RUFY1: variants seen among roughly 807,000 people sequenced by gnomAD.
The protein encoded by RUFY1 is RUN and FYVE domain-containing protein 1.
RUFY1 carries 54 observed loss-of-function variants against 94.6 expected under a neutral mutation model. That is an observed-to-expected ratio of 0.57 (90% CI 0.46 to 0.72). RUFY1 has a LOEUF of 0.72. RUFY1 is among the 30% of genes least tolerant of loss of function. The pLI, the probability that RUFY1 is intolerant of heterozygous loss-of-function variation, is 0.00. For synonymous variants in RUFY1, 396 were observed against 347.3 expected, an observed-to-expected ratio of 1.14 and a Z score of -1.56; for missense variants, 883 against 883.9, an observed-to-expected ratio of 1.00 and a Z score of 0.01.
intron 16 of RUFY1, chr5:179,607,315 G>C (rs556056253): frequency 2.0e-6 from 1 of 507,732 alleles, no homozygotes; most frequent in Admixed American, 3.5e-5. Flanking sequence ...GCCTGAGTGA[G>C]CAGATGCTGG....
rs11541392 is a variant in RUFY1, at chr5:179,609,456, G to A, written c.2064G>A (p.Pro688=). The change falls in exon 18 of 18, where the codon CCG becomes CCA. Residue 688 remains proline (P), a synonymous_variant. Coordinates refer to ENST00000319449, the MANE Select transcript of RUFY1 (RefSeq NM_025158.5). ...NELALPSYPK[P]VRVCDSCHTL... Reference sequence around the variant, plus strand: ...TGGCCCTGCCCTCCTACCCCAAGCCGGTGCGAGTGTGCGACAGCTGCCACA... The same window carrying A: ...TGGCCCTGCCCTCCTACCCCAAGCCAGTGCGAGTGTGCGACAGCTGCCACA... 7.0e-4 allele frequency: 1,122 copies of A among 1,612,344 alleles called. 15 individuals are homozygous for A. In the East Asian group the frequency reaches 0.021, roughly 30 times the overall value.
chr5:179,572,189 GC>G, intron 5 of RUFY1: 1 of 306,466 alleles, frequency 3.3e-6, no homozygotes, highest in South Asian at 2.8e-5. Context: ...CGGAAAGCCA[GC>G]CCCTGACTTC....
At chr5:179,606,737 ACT>A (rs1767126770) in intron 16 of RUFY1, among the ~76,000 whole-genome samples, 1 of 151,810 alleles carries the variant, frequency 6.6e-6, no homozygotes, top group South Asian at 2.1e-4. Flanking sequence ...ATAAAACAGG[ACT>A]CTAGAGCCGC....
At chr5:179,589,125 A>G (rs1764840248) in intron 8 of RUFY1, among the ~76,000 whole-genome samples, 1 of 152,112 alleles carries the variant, frequency 6.6e-6, no homozygotes, top group South Asian at 2.1e-4. Context: ...TTAGTATTAT[A>G]TCTTAAGTAT....
intron 14 of RUFY1, among the ~76,000 whole-genome samples, chr5:179,601,003 A>G (rs998997668): frequency 6.6e-6 from 1 of 151,622 alleles, no homozygotes; most frequent in African/African-American, 2.4e-5. Context: ...GCTGAGGGTA[A>G]CTATTTTTAA....
At position 179,577,512 on chromosome 5, in the gene RUFY1, A is replaced by G. The variant is rs537693276; in HGVS notation, c.890+376A>G. The stretch of plus-strand genomic sequence containing the variant: ...CTGGCAAAGGCGGGTCTTTGGGGCT[A>G]GCGGAGGGCCGGGTCTCCGGACGGA... On this transcript the variant is annotated intron_variant, in intron 6 of 17. Transcript: ENST00000319449. Among the ~76,000 whole-genome samples the G allele has an allele frequency of 9.2e-3, 1,358 of 147,400 alleles. 23 individuals are homozygous for G. The highest frequency in any genetic ancestry group is 0.03 in the African/African-American group (1,209 of 40,084).
chr5:179,603,662 A>G (rs971691077), intron 15 of RUFY1: 1 of 152,308 alleles, frequency 6.6e-6, no homozygotes, highest in Non-Finnish European at 1.5e-5. Context: ...GTTTGCAGCC[A>G]GTGTTTTCCT....
At chr5:179,589,144 G>A (rs1179964741) in intron 8 of RUFY1, among the ~76,000 whole-genome samples, 1 of 152,112 alleles carries the variant, frequency 6.6e-6, no homozygotes, top group African/African-American at 2.4e-5. Flanking sequence ...ATGTTCTCAA[G>A]TGATTAAAAG....
At chr5:179,590,475 G>C (rs1764974250) in intron 9 of RUFY1, among the ~76,000 whole-genome samples, 1 of 151,674 alleles carries the variant, frequency 6.6e-6, no homozygotes, top group African/African-American at 2.4e-5. Flanking sequence ...GTCTTGTTCT[G>C]TTTTTGTTGT....
chr5:179,601,151 C>G (rs1766333994), intron 14 of RUFY1, among the ~76,000 whole-genome samples: 1 of 151,740 alleles, frequency 6.6e-6, no homozygotes, highest in South Asian at 2.1e-4. Flanking sequence ...TAATACAGGA[C>G]TGCATTTTGC....
chr5:179,558,694 C>A (rs145286893), intron 1 of RUFY1, among the ~76,000 whole-genome samples: 2 of 152,134 alleles, frequency 1.3e-5, no homozygotes, highest in African/African-American at 2.4e-5. Flanking sequence ...TCTCCCCCTA[C>A]CTTCTTGGGT....
intron 1 of RUFY1, chr5:179,559,757 C>T (rs1317242240): frequency 8.6e-7 from 1 of 1,167,274 alleles, no homozygotes; most frequent in Non-Finnish European, 1.1e-6. Context: ...GTCGCCGTAG[C>T]AACGCGCGGA....
At chr5:179,580,228 T>G (rs1764010982) in intron 6 of RUFY1, among the ~76,000 whole-genome samples, 1 of 61,486 alleles carries the variant, frequency 1.6e-5, no homozygotes, top group Non-Finnish European at 3.6e-5. Flanking sequence ...TGTGTGTGTG[T>G]GTGTGTGTGT....
At chr5:179,607,331 G>A (rs541602816) in intron 16 of RUFY1, 7 of 526,956 alleles carry the variant, frequency 1.3e-5, no homozygotes, top group Middle Eastern at 5.1e-4. Context: ...GCTGGAGACC[G>A]CCTGGAGGCC....
intron 1 of RUFY1, among the ~76,000 whole-genome samples, chr5:179,558,807 T>G (rs1762237911): frequency 6.6e-6 from 1 of 152,180 alleles, no homozygotes; most frequent in Non-Finnish European, 1.5e-5. Context: ...CAGATTTAAC[T>G]GTAATTAACT....
At chr5:179,576,125 T>A (rs1763594142) in intron 5 of RUFY1, among the ~76,000 whole-genome samples, 1 of 152,172 alleles carries the variant, frequency 6.6e-6, no homozygotes, top group Non-Finnish European at 1.5e-5. Flanking sequence ...TTTGTTATAG[T>A]TGCATAGGTT....
At position 179,562,631 on chromosome 5, in the gene RUFY1, T is replaced by C. The variant is rs370342000; in HGVS notation, c.569T>C (p.Ile190Thr). ...AAACTTTGTCCAGAAGCATCAGATA[T>C]AGCGACTAGTGTCAGAAATCTTCCA... is the stretch of plus-strand genomic sequence containing the variant. ...VEKLCPEASDIATSVRNLPEL... is the reference protein window; with the variant it reads ...VEKLCPEASDTATSVRNLPEL... Residue 190 changes from isoleucine to threonine, a missense_variant, in exon 3 of 18, where the codon ATA becomes ACA. By Grantham distance (89) the Ile-to-Thr change is moderately conservative. Transcript: ENST00000319449. The C allele has an allele frequency of 4.4e-6, 7 of 1,596,694 alleles. No homozygotes were observed. The highest frequency in any genetic ancestry group is 1.3e-5 in the African/African-American group (1 of 74,602).
At position 179,562,682 on chromosome 5, in the gene RUFY1, C is replaced by T. The variant is rs763527584; in HGVS notation, c.602+18C>T. The T allele has an allele frequency of 3.2e-6, 4 of 1,268,964 alleles. No homozygotes were observed. Among genetic ancestry groups the T allele is most frequent in the Non-Finnish European group, 4.6e-6 (4 of 872,262 alleles). 78.6% of individuals were successfully genotyped at this position (1,268,964 alleles called of 1,614,324 possible). A position where few individuals can be genotyped will look rare whatever the true frequency, so the allele number is the denominator to read the frequency against. Reference sequence around the variant, plus strand: ...GAATTAAAGTGAGTGAGAAGTAGTTCTGCCAATTTGATGATTTTAAAAACT... The same window carrying T: ...GAATTAAAGTGAGTGAGAAGTAGTTTTGCCAATTTGATGATTTTAAAAACT... On this transcript the variant is annotated intron_variant, in intron 3 of 17. Coordinates refer to ENST00000319449, the MANE Select transcript of RUFY1 (RefSeq NM_025158.5).
chr5:179,573,077 G>A (rs1034521681), intron 5 of RUFY1, among the ~76,000 whole-genome samples: 1 of 152,080 alleles, frequency 6.6e-6, no homozygotes, highest in African/African-American at 2.4e-5. Context: ...AATATGCATT[G>A]GTTTATTTCT....
Sources: gnomAD v4.1 joint callset for allele counts (sites outside exome capture counted in the v4.1 genomes callset) on GRCh38, gnomAD v4.1.1 for gene constraint, MANE v1.5 for transcripts, NCBI Gene and HGNC (gene_info 2026-07-23, HGNC 2026-07-21) for gene names.